The following EFR3B variants were observed in gnomAD, a reference collection of about 807,000 sequenced individuals.
The protein encoded by EFR3B is protein EFR3 homolog B.
EFR3B carries 64 observed loss-of-function variants against 104.7 expected under a neutral mutation model. The observed-to-expected ratio is 0.61, with a 90% CI of 0.50 to 0.75. The LOEUF (loss-of-function observed/expected upper bound fraction) is 0.75. EFR3B is among the 30% of genes least tolerant of loss of function. The pLI, the probability that EFR3B is intolerant of heterozygous loss-of-function variation, is 0.00. For synonymous variants in EFR3B, 385 were observed against 417.9 expected, an observed-to-expected ratio of 0.92 and a Z score of 0.96; for missense variants, 750 against 1,078.5, an observed-to-expected ratio of 0.70 and a Z score of 4.27.
At chr2:25,061,339 C>T (rs148708167) in intron 1 of EFR3B, among the ~76,000 whole-genome samples, 3,419 of 152,030 alleles carry the variant, frequency 0.022, 68 homozygotes, top group Non-Finnish European at 0.034. Context: ...TCTTGAACTC[C>T]TGAGCTCAAG....
At chr2:25,143,190 T>C (rs1013213436) in intron 17 of EFR3B, among the ~76,000 whole-genome samples, 1 of 151,942 alleles carries the variant, frequency 6.6e-6, no homozygotes, top group African/African-American at 2.4e-5. Flanking sequence ...CACTCCGGTC[T>C]GGGTGACAGA....
Position 25,062,326 on chromosome 2 carries a change from G to A in EFR3B, c.7+20007G>A, listed in dbSNP as rs543142707. 9.2e-4 allele frequency among the ~76,000 whole-genome samples: 140 copies of A among 152,354 alleles called. 2 individuals carry two copies. Among genetic ancestry groups the A allele is most frequent in the African/African-American group, 3.2e-3 (133 of 41,590 alleles). ...ACTGGAAAGGGGGACTTTGTGAGGG[G>A]ATTAGCAATGTCCTACCTCTTGTTT... is the stretch of plus-strand genomic sequence containing the variant. On this transcript the variant is annotated intron_variant, in intron 1 of 22. Coordinates refer to ENST00000403714, the MANE Select transcript of EFR3B (RefSeq NM_014971.2).
intron 4 of EFR3B, among the ~76,000 whole-genome samples, chr2:25,118,773 G>A (rs572436362): frequency 9.0e-4 from 131 of 145,746 alleles, no homozygotes; most frequent in Non-Finnish European, 1.5e-3. Flanking sequence ...GGGCGTGGTG[G>A]TTCACACCTG....
At chr2:25,072,423 G>A (rs886373370) in intron 1 of EFR3B, among the ~76,000 whole-genome samples, 1 of 152,144 alleles carries the variant, frequency 6.6e-6, no homozygotes, top group African/African-American at 2.4e-5. Flanking sequence ...TGGAATTACA[G>A]GTGCATGCTA....
intron 1 of EFR3B, among the ~76,000 whole-genome samples, chr2:25,050,842 G>A (rs1269249091): frequency 6.6e-6 from 1 of 152,182 alleles, no homozygotes; most frequent in Non-Finnish European, 1.5e-5. Context: ...AGCTTTTGTG[G>A]GATGCTAAGA....
intron 3 of EFR3B, among the ~76,000 whole-genome samples, chr2:25,102,675 C>G (rs987241411): frequency 1.3e-5 from 2 of 152,100 alleles, no homozygotes; most frequent in African/African-American, 4.8e-5. Flanking sequence ...CGGGTGGGGA[C>G]GCGGAGCCAA....
At chr2:25,116,414 A>G (rs1381091551) in intron 4 of EFR3B, among the ~76,000 whole-genome samples, 1 of 152,292 alleles carries the variant, frequency 6.6e-6, no homozygotes, top group East Asian at 1.9e-4. Context: ...GCTTGAGACC[A>G]GGAGTTTGAG....
chr2:25,087,206 C>G (rs552573638), intron 1 of EFR3B, among the ~76,000 whole-genome samples: 1 of 152,008 alleles, frequency 6.6e-6, no homozygotes, highest in Non-Finnish European at 1.5e-5. Flanking sequence ...GTAACTGTCC[C>G]CATGATTAAA....
intron 12 of EFR3B, among the ~76,000 whole-genome samples, chr2:25,133,831 A>T (rs1307180360): frequency 6.6e-6 from 1 of 151,864 alleles, no homozygotes; most frequent in Admixed American, 6.6e-5. Flanking sequence ...TGCCCACCTC[A>T]GTCTCCCAGC....
In EFR3B at chr2:25,125,744, C is replaced by G. The variant is rs150381075; in HGVS notation, c.486-2439C>G. 2.5e-3 allele frequency among the ~76,000 whole-genome samples: 385 copies of G among 152,216 alleles called. 2 individuals carry two copies. Among genetic ancestry groups the G allele is most frequent in the Non-Finnish European group, 4.5e-3 (304 of 68,006 alleles). ...CGGGAGGATCACAAGGTCAGCAGAT[C>G]GAGACCATCCTGGCTAACACGGTGA... is the stretch of plus-strand genomic sequence containing the variant. On this transcript the variant is annotated intron_variant, in intron 5 of 22. Coordinates refer to ENST00000403714, the MANE Select transcript of EFR3B (RefSeq NM_014971.2).
chr2:25,074,298 G>A (rs1017462252), intron 1 of EFR3B, among the ~76,000 whole-genome samples: 1 of 152,166 alleles, frequency 6.6e-6, no homozygotes, highest in Non-Finnish European at 1.5e-5. Context: ...GAGCACAGTG[G>A]CTCACGCCTG....
chr2:25,124,582 C>CA (rs916914156), intron 5 of EFR3B, among the ~76,000 whole-genome samples: 12 of 150,654 alleles, frequency 8.0e-5, no homozygotes, highest in Non-Finnish European at 8.9e-5. Flanking sequence ...ACTAAAAATA[C>CA]AAAAAAAATT....
chr2:25,122,749 G>T (rs546146047), intron 5 of EFR3B, among the ~76,000 whole-genome samples: 5 of 152,124 alleles, frequency 3.3e-5, no homozygotes, highest in South Asian at 2.1e-4. Flanking sequence ...CTCTGCCGGG[G>T]TTTCTTTCCC....
rs1278084532 is a variant in EFR3B, at chr2:25,152,838, GTGTGTA to G, written c.2298+820_2298+825del. On this transcript the variant is annotated intron_variant, in intron 21 of 22. Transcript: ENST00000403714. The stretch of plus-strand genomic sequence containing the variant: ...AGTGTGTGTGTGTGTGTGTGTGTGT[GTGTGTA>G]TATAAAACACATATAGATTTTCCTG... 4.1e-4 allele frequency among the ~76,000 whole-genome samples: 35 copies of G among 84,358 alleles called. 1 individual carries two copies. The highest frequency in any genetic ancestry group is 8.8e-4 in the African/African-American group (27 of 30,628). The allele number at this position is 84,358 out of a possible 152,430, so 55.3% of individuals were successfully genotyped here.
chr2:25,045,555 G>T (rs936071761), intron 1 of EFR3B, among the ~76,000 whole-genome samples: 10 of 152,224 alleles, frequency 6.6e-5, no homozygotes, highest in Non-Finnish European at 1.5e-4. Flanking sequence ...GCTGAGGCGG[G>T]CAGATCACCT....
Position 25,131,403 on chromosome 2 carries a change from G to C in EFR3B, c.885G>C (p.Leu295=). Residue 295 remains leucine (L), a synonymous_variant, in exon 9 of 23, where the codon CTG becomes CTC. Coordinates refer to ENST00000403714, the MANE Select transcript of EFR3B (RefSeq NM_014971.2). This position sits in a 1 kb window ranked among gnomAD's most constrained non-coding sequence, Gnocchi z 7.6. ...CACACCTGGTCATCCAGCAGCTCCT[G>C]GGCCACCTGGACGCCAACAGCCGCA... ...QHSHLVIQQL[L]GHLDANSRSA... 2.6e-6 allele frequency: 4 copies of C among 1,550,886 alleles called. No homozygotes were observed. Among genetic ancestry groups the C allele is most frequent in the Non-Finnish European group, 3.5e-6 (4 of 1,146,850 alleles).
chr2:25,145,436 T>C (rs1002115325), intron 19 of EFR3B: 1 of 290,668 alleles, frequency 3.4e-6, no homozygotes, highest in Non-Finnish European at 6.4e-6. Flanking sequence ...CAGCCAGGCA[T>C]GGTGACGTGC....
chr2:25,146,619 C>T (rs1670824527), intron 19 of EFR3B: 1 of 152,148 alleles, frequency 6.6e-6, no homozygotes, highest in Non-Finnish European at 1.5e-5. Flanking sequence ...AAGCGCAAGG[C>T]GAAATGCTTA....
chr2:25,080,072 C>A, intron 1 of EFR3B: 1 of 890,402 alleles, frequency 1.1e-6, no homozygotes, highest in Admixed American at 1.7e-5. Flanking sequence ...TACCTTGTAA[C>A]CCCCACAACA....
Sources: gnomAD v4.1 joint callset for allele counts (sites outside exome capture counted in the v4.1 genomes callset) on GRCh38, gnomAD v4.1.1 for gene constraint, Gnocchi (gnomAD v3.1) non-coding constraint, MANE v1.5 for transcripts, NCBI Gene and HGNC (gene_info 2026-07-23, HGNC 2026-07-21) for gene names.